The following ERCC5 variants were observed in gnomAD, a reference collection of about 807,000 sequenced individuals.
ERCC5 encodes ERCC excision repair 5, endonuclease, also known as DNA excision repair protein ERCC-5.
In ERCC5, 68 loss-of-function variants were observed where a neutral mutation model predicts 105.6. The observed-to-expected ratio is 0.64, with a 90% CI of 0.53 to 0.79. The LOEUF is 0.79. ERCC5 is among the 30% of genes least tolerant of loss of function. ERCC5 has a pLI of 0.00. For synonymous variants in ERCC5, 546 were observed against 526.2 expected, an observed-to-expected ratio of 1.04 and a Z score of -0.51; for missense variants, 1,373 against 1,426.7, an observed-to-expected ratio of 0.96 and a Z score of 0.61.
intron 2 of ERCC5, 80 bp downstream of exon 2, chr13:102,852,373 T>G: frequency 2.6e-6 from 4 of 1,550,546 alleles, no homozygotes; most frequent in South Asian, 1.2e-5. Context: ...ATAAAATTTT[T>G]GTTTTCTCTT....
At chr13:102,867,296 A>G (rs1393660386) in intron 11 of ERCC5, among the ~76,000 whole-genome samples, 6 of 152,274 alleles carry the variant, frequency 3.9e-5, no homozygotes, top group Non-Finnish European at 7.3e-5. Flanking sequence ...TACATAAATC[A>G]TAATTTGACA....
At position 102,852,369 on chromosome 13, in the gene ERCC5, T is replaced by C; in HGVS notation, c.264+76T>C. Reference sequence around the variant, plus strand: ...CATTCTTAGAAAAATTCACATAAAATTTTTGTTTTCTCTTTAGAATTTTAG... The same window carrying C: ...CATTCTTAGAAAAATTCACATAAAACTTTTGTTTTCTCTTTAGAATTTTAG... On this transcript the variant is annotated intron_variant, in intron 2 of 14. Coordinates refer to ENST00000652225, the MANE Select transcript of ERCC5 (RefSeq NM_000123.4). 3.8e-6 allele frequency: 6 copies of C among 1,567,742 alleles called. No individual in the cohort carries two copies. The South Asian group carries it at 7.1e-5, about 19-fold the overall frequency.
intron 1 of ERCC5, chr13:102,849,157 G>A: frequency 1.9e-6 from 1 of 518,954 alleles, no homozygotes; most frequent in Non-Finnish European, 3.8e-6. Context: ...TCTAATACAA[G>A]ACAGATGCAC....
At position 102,853,815 on chromosome 13, in the gene ERCC5, A is replaced by C; in HGVS notation, c.323A>C (p.Lys108Thr). ...AGTGACTCCAGGAAAACGACAGAGA[A>C]GCTTCTGAAAACATTTTTGAAAAGA... The part of the protein sequence containing the change: ...ASSDSRKTTE[K>T]LLKTFLKRQA... The change falls in exon 3 of 15, where the codon AAG becomes ACG. Residue 108 changes from lysine (K) to threonine (T), a missense_variant. Lys to Thr is a moderately conservative substitution (Grantham distance 78). Around this residue, in one of 3 missense-constraint regions of ERCC5, gnomAD observed 1,004 missense variants for 1,059.7 expected, o/e 0.95. Coordinates refer to ENST00000652225, the MANE Select transcript of ERCC5 (RefSeq NM_000123.4). The C allele has an allele frequency of 6.2e-7, 1 of 1,614,244 alleles. No homozygotes were observed. The highest frequency in any genetic ancestry group is 8.5e-7 in the Non-Finnish European group (1 of 1,180,028).
Position 102,852,202 on chromosome 13 carries a change from T to G in ERCC5, c.173T>G (p.Leu58Trp). The G allele has an allele frequency of 6.2e-7, 1 of 1,614,182 alleles. No individual in the cohort carries two copies. The highest frequency in any genetic ancestry group is 8.5e-7 in the Non-Finnish European group (1 of 1,180,018). Residue 58 changes from leucine to tryptophan, a missense_variant, in exon 2 of 15, where the codon TTG (leucine) becomes TGG (tryptophan). Transcript: ENST00000652225. ...ATAGAAAATCCTCATCTTCTCACTTTGTTTCATCGGCTCTGCAAACTCTTA... is the reference window on the plus strand; with the variant it reads ...ATAGAAAATCCTCATCTTCTCACTTGGTTTCATCGGCTCTGCAAACTCTTA... Reference protein sequence around the residue: ...NSIENPHLLTLFHRLCKLLFF... With the variant: ...NSIENPHLLTWFHRLCKLLFF...
rs1484135998 is a variant in ERCC5, at chr13:102,875,633, T to C, written c.3291T>C (p.Ser1097=). Residue 1097 remains serine, a synonymous_variant, in exon 15 of 15, where the codon TCT becomes TCC. Coordinates refer to ENST00000652225, the MANE Select transcript of ERCC5 (RefSeq NM_000123.4). ...GGGAGACCTGCCTCTCAGAATCATCTGATGGATCTTCAAGTGAAGATGCTG... is the reference window on the plus strand; with the variant it reads ...GGGAGACCTGCCTCTCAGAATCATCCGATGGATCTTCAAGTGAAGATGCTG... ...FLGETCLSES[S]DGSSSEDAES... is the part of the protein sequence containing the mutation. 1.2e-6 allele frequency: 2 copies of C among 1,613,964 alleles called. No homozygotes were observed. The highest frequency in any genetic ancestry group is 2.2e-5 in the East Asian group (1 of 44,888).
intron 14 of ERCC5, among the ~76,000 whole-genome samples, chr13:102,873,668 G>T (rs192578394): frequency 6.6e-6 from 1 of 152,156 alleles, no homozygotes; most frequent in Non-Finnish European, 1.5e-5. Flanking sequence ...TTTAACGAAA[G>T]GAAGTCTTCA....
Position 102,875,991 on chromosome 13 carries a change from C to T in ERCC5, c.*88C>T, listed in dbSNP as rs1424795599. ...GACGTAATAAAATTAACTGGTGGCA[C>T]GGTCTTTGTATTTAGTGTGTGGTTC... On this transcript the variant is annotated 3_prime_UTR_variant, in exon 15 of 15. Transcript: ENST00000652225. The T allele has an allele frequency of 4.2e-5, 62 of 1,482,356 alleles. No homozygotes were observed. The highest frequency in any genetic ancestry group is 1.7e-4 in the African/African-American group (12 of 71,532). 91.8% of individuals were successfully genotyped at this position (1,482,356 alleles called of 1,614,324 possible).
In ERCC5 at chr13:102,858,358, C is replaced by G; in HGVS notation, c.612C>G (p.Ile204Met). Residue 204 changes from isoleucine to methionine, a missense_variant, in exon 6 of 15, where the codon ATC becomes ATG. Coordinates refer to ENST00000652225, the MANE Select transcript of ERCC5 (RefSeq NM_000123.4). ...SSLPPEVKHE[I>M]LTDMKEFTKR... is the part of the protein sequence containing the mutation. Reference sequence around the variant, plus strand: ...TGCCCCCTGAAGTAAAGCATGAAATCTTGACTGATATGAAAGAGTTCACCA... The same window carrying G: ...TGCCCCCTGAAGTAAAGCATGAAATGTTGACTGATATGAAAGAGTTCACCA... 1 of 1,614,076 alleles carries G rather than the reference C, an allele frequency of 6.2e-7. No homozygotes were observed.
intron 8 of ERCC5, among the ~76,000 whole-genome samples, chr13:102,864,033 C>G (rs751135024): frequency 6.6e-6 from 1 of 151,506 alleles, no homozygotes; most frequent in Admixed American, 6.6e-5. Context: ...TGTATATGCA[C>G]ATAGATATGT....
In ERCC5 at chr13:102,866,303, G is replaced by A; in HGVS notation, c.2241G>A (p.Gln747=). The stretch of plus-strand genomic sequence containing the variant: ...TGGAGAGCAACCTCTTAGCACAGCA[G>A]AATTCACTGAAAGCTCAAAAACAGC... ...ETLESNLLAQ[Q]NSLKAQKQQQ... is the part of the protein sequence containing the mutation. The change falls in exon 10 of 15, where the codon CAG becomes CAA. Residue 747 remains glutamine (Q), a synonymous_variant. Coordinates refer to ENST00000652225, the MANE Select transcript of ERCC5 (RefSeq NM_000123.4). 2.5e-6 allele frequency: 4 copies of A among 1,614,224 alleles called. No individual in the cohort carries two copies. Among genetic ancestry groups the A allele is most frequent in the Non-Finnish European group, 3.4e-6 (4 of 1,180,026 alleles).
chr13:102,874,048 T>C (rs1465273330), intron 14 of ERCC5, among the ~76,000 whole-genome samples: 8 of 152,144 alleles, frequency 5.3e-5, no homozygotes, highest in Admixed American at 5.2e-4. Context: ...TTTCTATGAG[T>C]TTCTCTTTGT....
chr13:102,852,228 T>A lies in ERCC5; in HGVS notation c.199T>A (p.Phe67Ile). The A allele has an allele frequency of 6.2e-7, 1 of 1,614,158 alleles. No individual in the cohort carries two copies. Among genetic ancestry groups the A allele is most frequent in the Non-Finnish European group, 8.5e-7 (1 of 1,180,010 alleles). ...GTTTCATCGGCTCTGCAAACTCTTA[T>A]TTTTTCGAATTCGTCCTATTTTTGT... ...TLFHRLCKLL[F>I]FRIRPIFVFD... Residue 67 changes from phenylalanine to isoleucine, a missense_variant, in exon 2 of 15, where the codon TTT (phenylalanine) becomes ATT (isoleucine). Phe to Ile is a conservative substitution (Grantham distance 21, BLOSUM62 0). This residue lies in a region of ERCC5 where 1,004 missense variants were observed against 1,059.7 expected (regional missense o/e 0.95). Transcript: ENST00000652225.
Position 102,865,491 on chromosome 13 carries a change from C to A in ERCC5, c.1955-176C>A. 1 of 859,532 alleles carries A rather than the reference C, an allele frequency of 1.2e-6. No individual in the cohort carries two copies. Among genetic ancestry groups the A allele is most frequent in the South Asian group, 1.7e-5 (1 of 58,596 alleles). 53.2% of individuals were successfully genotyped at this position (859,532 alleles called of 1,614,324 possible). Reference sequence around the variant, plus strand: ...AAAAGGCTTGTTTTGAAGTTACAGGCATTTGTGATTACATTTATTTATTAA... The same window carrying A: ...AAAAGGCTTGTTTTGAAGTTACAGGAATTTGTGATTACATTTATTTATTAA... On this transcript the variant is annotated intron_variant, in intron 8 of 14. Coordinates refer to ENST00000652225, the MANE Select transcript of ERCC5 (RefSeq NM_000123.4). This position sits in a 1 kb window ranked among gnomAD's most constrained non-coding sequence, Gnocchi z 4.0.
chr13:102,863,246 C>T (rs1383722737), intron 8 of ERCC5, 143 bp downstream of exon 8: 6 of 948,840 alleles, frequency 6.3e-6, no homozygotes, highest in African/African-American at 1.7e-5. Context: ...ATGACTTTCC[C>T]AGGGAGTCAC....
Position 102,864,126 on chromosome 13 carries a change from C to CCACACACACACACACA in ERCC5, c.1954+1048_1954+1063dup, listed in dbSNP as rs10647676. The stretch of plus-strand genomic sequence containing the variant: ...TGGCCACTTTGAATAAGAGAATCAA[C>CCACACACACACACACA]CACACACACACACACACACACACAC... On this transcript the variant is annotated intron_variant, in intron 8 of 14. Coordinates refer to ENST00000652225, the MANE Select transcript of ERCC5 (RefSeq NM_000123.4). Among the ~76,000 whole-genome samples the CCACACACACACACACA allele has an allele frequency of 3.7e-3, 526 of 140,968 alleles. 10 individuals are homozygous for CCACACACACACACACA. Among genetic ancestry groups the CCACACACACACACACA allele is most frequent in the East Asian group, 0.027 (125 of 4,644 alleles). The allele number at this position is 140,968 out of a possible 152,430, so 92.5% of individuals were successfully genotyped here.
chr13:102,853,982 TAGAG>T, intron 3 of ERCC5, 110 bp downstream of exon 3: 1 of 1,098,690 alleles, frequency 9.1e-7, no homozygotes, highest in Non-Finnish European at 1.4e-6. Context: ...CAACAGAAAA[TAGAG>T]AGTGAAATGA....
Position 102,852,234 on chromosome 13 carries a change from C to G in ERCC5, c.205C>G (p.Arg69Gly). 2 of 1,613,996 alleles carry G rather than the reference C, an allele frequency of 1.2e-6. No homozygotes were observed. The highest frequency in any genetic ancestry group is 1.1e-5 in the South Asian group (1 of 91,074). ...TCGGCTCTGCAAACTCTTATTTTTT[C>G]GAATTCGTCCTATTTTTGTGTTTGA... ...FHRLCKLLFF[R>G]IRPIFVFDGD... The change falls in exon 2 of 15, where the codon CGA (arginine) becomes GGA (glycine). Residue 69 changes from arginine (R) to glycine (G), a missense_variant. Physicochemically the swap from Arg to Gly is moderately radical, Grantham distance 125. Coordinates refer to ENST00000652225, the MANE Select transcript of ERCC5 (RefSeq NM_000123.4).
intron 1 of ERCC5, among the ~76,000 whole-genome samples, chr13:102,851,460 A>G (rs1209410981): frequency 1.3e-5 from 2 of 152,026 alleles, no homozygotes; most frequent in Non-Finnish European, 1.5e-5. Flanking sequence ...ATGCCCAGCC[A>G]ATTTTTGTAT....
Sources: gnomAD v4.1 joint callset for allele counts (sites outside exome capture counted in the v4.1 genomes callset) on GRCh38, gnomAD v4.1.1 for gene constraint, gnomAD v4.1.1 regional missense constraint, Gnocchi (gnomAD v3.1) non-coding constraint, MANE v1.5 for transcripts, NCBI Gene and HGNC (gene_info 2026-07-23, HGNC 2026-07-21) for gene names.